Variants in MYOF observed in about 807,000 individuals in gnomAD.
MYOF encodes the protein myoferlin.
A neutral mutation model predicts 284.2 loss-of-function variants in MYOF; 244 were observed. That is an observed-to-expected ratio of 0.86 (90% CI 0.77 to 0.95). The LOEUF is 0.95. Among genes scored for constraint, MYOF ranks in the 40% least tolerant of loss-of-function variants. The pLI is 0.00. For synonymous variants in MYOF, 904 were observed against 919.7 expected, an observed-to-expected ratio of 0.98 and a Z score of 0.31; for missense variants, 2,496 against 2,560.6, an observed-to-expected ratio of 0.97 and a Z score of 0.54.
intron 21 of MYOF, among the ~76,000 whole-genome samples, chr10:93,378,560 T>C (rs1298600463): frequency 6.6e-6 from 1 of 151,614 alleles, no homozygotes; most frequent in Non-Finnish European, 1.5e-5. Context: ...CCAGCCCTGG[T>C]AGAGATTAGA....
intron 1 of MYOF, among the ~76,000 whole-genome samples, chr10:93,462,048 C>T (rs2056894889): frequency 6.6e-6 from 1 of 151,868 alleles, no homozygotes; most frequent in African/African-American, 2.4e-5. Context: ...AATGGCATTA[C>T]CTCTAGGGGA....
At chr10:93,358,656 G>A (rs914388295) in intron 29 of MYOF, among the ~76,000 whole-genome samples, 3 of 152,112 alleles carry the variant, frequency 2.0e-5, no homozygotes, top group African/African-American at 4.8e-5. Flanking sequence ...GCAGGGACAT[G>A]GATGGAGCTG....
chr10:93,389,989 C>A (rs1420838381), intron 17 of MYOF, among the ~76,000 whole-genome samples: 2 of 152,184 alleles, frequency 1.3e-5, no homozygotes, highest in Non-Finnish European at 1.5e-5. Flanking sequence ...GCAGAACTTT[C>A]TGTGAATTCG....
chr10:93,470,087 A>G (rs1267073362), intron 1 of MYOF, among the ~76,000 whole-genome samples: 5 of 151,758 alleles, frequency 3.3e-5, no homozygotes, highest in African/African-American at 1.2e-4. Context: ...AAATTAGCCA[A>G]GCATGATGGT....
At chr10:93,427,413 C>T (rs1186220367) in intron 4 of MYOF, among the ~76,000 whole-genome samples, 4 of 151,268 alleles carry the variant, frequency 2.6e-5, no homozygotes, top group Admixed American at 1.3e-4. Flanking sequence ...TGCCTGTAAT[C>T]CCAGCTGCTC....
Position 93,463,842 on chromosome 10 carries a change from G to T in MYOF, c.89-6905C>A, listed in dbSNP as rs1473731131. Among the ~76,000 whole-genome samples the T allele has an allele frequency of 2.9e-5, 4 of 139,924 alleles. No homozygotes were observed. The South Asian group carries it at 9.3e-4, about 32-fold the overall frequency. 91.8% of individuals were successfully genotyped at this position (139,924 alleles called of 152,430 possible). A position where few individuals can be genotyped will look rare whatever the true frequency, so the allele number is the denominator to read the frequency against. On this transcript the variant is annotated intron_variant, in intron 1 of 53. Coordinates refer to ENST00000359263, the MANE Select transcript of MYOF (RefSeq NM_013451.4). ...GCCACACCCCTGCACTTCATCCTGG[G>T]TGTTAGAGCAAGACCCTGTCTCAAA...
intron 24 of MYOF, among the ~76,000 whole-genome samples, chr10:93,372,236 G>A (rs1204005062): frequency 6.6e-6 from 1 of 152,124 alleles, no homozygotes; most frequent in Non-Finnish European, 1.5e-5. Flanking sequence ...ATATAGATGG[G>A]AACTATTCTG....
At chr10:93,464,815 G>A (rs1355123308) in intron 1 of MYOF, among the ~76,000 whole-genome samples, 2 of 152,140 alleles carry the variant, frequency 1.3e-5, no homozygotes, top group African/African-American at 2.4e-5. Context: ...CAGCTCTTCG[G>A]TAGACAAAAT....
At chr10:93,430,444 T>C (rs1465450167) in intron 4 of MYOF, among the ~76,000 whole-genome samples, 1 of 151,766 alleles carries the variant, frequency 6.6e-6, no homozygotes, top group Non-Finnish European at 1.5e-5. Flanking sequence ...TAACTGGGCA[T>C]GGTGGCACGT....
chr10:93,310,286 G>T, intron 52 of MYOF, 119 bp from the exon 53 acceptor site: 1 of 1,264,722 alleles, frequency 7.9e-7, no homozygotes, highest in Non-Finnish European at 1.1e-6. Flanking sequence ...AAAAAATACT[G>T]TTCCCCTTCG....
intron 23 of MYOF, 71 bp downstream of exon 23, chr10:93,374,692 C>G: frequency 6.8e-7 from 1 of 1,461,496 alleles, no homozygotes; most frequent in Non-Finnish European, 9.3e-7. Context: ...TTCCACCATC[C>G]TATTCTTGGT....
At chr10:93,373,635 G>A (rs1845697103) in intron 23 of MYOF, among the ~76,000 whole-genome samples, 1 of 152,156 alleles carries the variant, frequency 6.6e-6, no homozygotes, top group Non-Finnish European at 1.5e-5. Context: ...CACTGTGAAA[G>A]TACCAAAGCA....
At chr10:93,393,136 G>A (rs1349448455) in intron 16 of MYOF, among the ~76,000 whole-genome samples, 181 bp from the exon 17 acceptor site, 1 of 152,264 alleles carries the variant, frequency 6.6e-6, no homozygotes, top group African/African-American at 2.4e-5. Flanking sequence ...TCGGTTAAAT[G>A]CAAAATGACC....
At position 93,431,483 on chromosome 10, in the gene MYOF, G is replaced by T; in HGVS notation, c.270C>A (p.Asp90Glu). ...GGGATCTGCTCTGGTCACCAGTCAGGTCCTTCAGGGCTACAGTCGCCGTGC... is the reference window on the plus strand; with the variant it reads ...GGGATCTGCTCTGGTCACCAGTCAGTTCCTTCAGGGCTACAGTCGCCGTGC... The part of the protein sequence containing the change: ...LIGTATVALK[D>E]LTGDQSRSLP... The change falls in exon 4 of 54, where the codon GAC becomes GAA. Residue 90 changes from aspartate (D) to glutamate (E), a missense_variant. Around this residue, in one of 3 missense-constraint regions of MYOF, gnomAD observed 2,436 missense variants for 2,480.7 expected, o/e 0.98. Coordinates refer to ENST00000359263, the MANE Select transcript of MYOF (RefSeq NM_013451.4). 5.0e-6 allele frequency: 8 copies of T among 1,614,012 alleles called. No individual in the cohort carries two copies. Among genetic ancestry groups the T allele is most frequent in the Non-Finnish European group, 5.1e-6 (6 of 1,179,940 alleles).
rs752810849 is a variant in MYOF at position 93,443,468 on chromosome 10, C to CTGTG, written c.236+8581_236+8582insCACA. On this transcript the variant is annotated intron_variant, in intron 3 of 53. Transcript: ENST00000359263. ...CTCTTTCTTCTCTCTCTCTCTCTCT[C>CTGTG]TCTCTGTGTGTGTGTGTGTGTGTGT... Among the ~76,000 whole-genome samples the CTGTG allele has an allele frequency of 6.8e-3, 775 of 114,656 alleles. 6 individuals are homozygous for CTGTG. Among genetic ancestry groups the CTGTG allele is most frequent in the South Asian group, 0.017 (49 of 2,960 alleles). 75.2% of individuals were successfully genotyped at this position (114,656 alleles called of 152,430 possible).
chr10:93,399,441 T>G lies in MYOF; in HGVS notation c.1172A>C (p.Lys391Thr). The change falls in exon 13 of 54, where the codon AAG becomes ACG. Residue 391 changes from lysine to threonine, a missense_variant. Around this residue, in one of 3 missense-constraint regions of MYOF, gnomAD observed 2,436 missense variants for 2,480.7 expected, o/e 0.98. Coordinates refer to ENST00000359263, the MANE Select transcript of MYOF (RefSeq NM_013451.4). ...VKEIFGGNAD[K>T]KNLVDPFVEV... ...TACAAAAGGATCCACGAGATTTTTC[T>G]TATCTGCATTGCCTCCAAATATTTC... The G allele has an allele frequency of 6.2e-7, 1 of 1,614,008 alleles. No individual in the cohort carries two copies. The highest frequency in any genetic ancestry group is 8.5e-7 in the Non-Finnish European group (1 of 1,179,974).
intron 18 of MYOF, 71 bp from the exon 19 acceptor site, chr10:93,387,984 G>T: frequency 8.0e-7 from 1 of 1,249,744 alleles, no homozygotes; most frequent in Non-Finnish European, 1.2e-6. Flanking sequence ...CTCTAGTCAG[G>T]CTAATACAAC....
At chr10:93,354,237 G>T (rs535227177) in intron 31 of MYOF, among the ~76,000 whole-genome samples, 1 of 152,232 alleles carries the variant, frequency 6.6e-6, no homozygotes, top group Non-Finnish European at 1.5e-5. Flanking sequence ...AATTAGCTGG[G>T]CATGGTGGTG....
intron 3 of MYOF, among the ~76,000 whole-genome samples, chr10:93,440,214 C>A (rs1234831389): frequency 6.6e-6 from 1 of 152,120 alleles, no homozygotes; most frequent in Non-Finnish European, 1.5e-5. Context: ...GAGATCAAGA[C>A]CATCCTGGCC....
Sources: gnomAD v4.1 joint callset for allele counts (sites outside exome capture counted in the v4.1 genomes callset) on GRCh38, gnomAD v4.1.1 for gene constraint, gnomAD v4.1.1 regional missense constraint, MANE v1.5 for transcripts, NCBI Gene and HGNC (gene_info 2026-07-23, HGNC 2026-07-21) for gene names.